The following NSD3 variants were observed in gnomAD, a reference collection of about 807,000 sequenced individuals.
NSD3 encodes histone-lysine N-methyltransferase NSD3.
A neutral mutation model predicts 160.8 loss-of-function variants in NSD3; 24 were observed. The observed-to-expected ratio is 0.15, with a 90% CI of 0.11 to 0.21. The LOEUF is 0.21. Ranked by LOEUF, NSD3 falls within the 10% of genes least tolerant of loss-of-function variation. The probability of loss-of-function intolerance (pLI) is 1.00; values close to 1 mark genes in which losing one functional copy is unlikely to be tolerated. For missense variants in NSD3, 1,157 were observed against 1,735.9 expected, an observed-to-expected ratio of 0.67 and a Z score of 5.93; for synonymous variants, 520 against 600.0, an observed-to-expected ratio of 0.87 and a Z score of 1.95.
At chr8:38,292,331 T>C (rs1292931502) in intron 16 of NSD3, among the ~76,000 whole-genome samples, 1 of 152,228 alleles carries the variant, frequency 6.6e-6, no homozygotes, top group Admixed American at 6.5e-5. Flanking sequence ...ACATTAGATG[T>C]ATTTCTTCCC....
chr8:38,351,822 G>A (rs1343858291), intron 1 of NSD3, among the ~76,000 whole-genome samples: 1 of 151,624 alleles, frequency 6.6e-6, no homozygotes, highest in African/African-American at 2.4e-5. Flanking sequence ...ATTGAACAAT[G>A]AGAACACATG....
chr8:38,380,269 T>G (rs1811503030), intron 1 of NSD3, among the ~76,000 whole-genome samples: 1 of 152,218 alleles, frequency 6.6e-6, no homozygotes. Context: ...TCAGAAATAC[T>G]ATTTAAAAAT....
At chr8:38,378,797 T>C (rs1811465964) in intron 1 of NSD3, among the ~76,000 whole-genome samples, 1 of 137,944 alleles carries the variant, frequency 7.2e-6, no homozygotes, top group African/African-American at 2.8e-5. Flanking sequence ...CACTCCAGCC[T>C]AGACAACAGG....
intron 1 of NSD3, among the ~76,000 whole-genome samples, chr8:38,364,968 G>A (rs974418192): frequency 6.6e-5 from 10 of 152,126 alleles, no homozygotes; most frequent in African/African-American, 2.4e-4. Flanking sequence ...CTCAAGAACA[G>A]GCATTTGAGT....
intron 20 of NSD3, 139 bp from the exon 21 acceptor site, chr8:38,279,820 G>T: frequency 1.1e-6 from 1 of 878,510 alleles, no homozygotes; most frequent in Non-Finnish European, 1.7e-6. Context: ...ATGTGAGGCT[G>T]CCTGGGTAAT....
At chr8:38,342,486 T>G (rs1434678628) in intron 2 of NSD3, among the ~76,000 whole-genome samples, 2 of 152,200 alleles carry the variant, frequency 1.3e-5, no homozygotes, top group Non-Finnish European at 2.9e-5. Context: ...TTTAATTGAC[T>G]CCACATAAGA....
intron 13 of NSD3, among the ~76,000 whole-genome samples, chr8:38,304,958 C>T (rs1809362686): frequency 6.6e-6 from 1 of 152,028 alleles, no homozygotes; most frequent in South Asian, 2.1e-4. Context: ...TAGAGATCAT[C>T]CAAAGAAAAA....
intron 4 of NSD3, 116 bp downstream of exon 4, chr8:38,337,189 G>T (rs1585898728): frequency 2.1e-6 from 2 of 932,324 alleles, no homozygotes; most frequent in Non-Finnish European, 2.9e-6. Context: ...ATACGGATAT[G>T]CACATTTTTG....
In NSD3 at chr8:38,275,449, C is replaced by A; in HGVS notation, c.*192G>T. On this transcript the variant is annotated 3_prime_UTR_variant, in exon 24 of 24. Coordinates refer to ENST00000317025, the MANE Select transcript of NSD3 (RefSeq NM_023034.2). The stretch of plus-strand genomic sequence containing the variant: ...GGAATTTAACCCTCCACAAAAGAAT[C>A]CCAAACCAACCAAATCAAACAAAAA... The A allele has an allele frequency of 1.7e-6, 1 of 579,446 alleles. No individual in the cohort carries two copies. The highest frequency in any genetic ancestry group is 3.2e-5 in the Admixed American group (1 of 31,452). The allele number at this position is 579,446 out of a possible 1,614,324, so 35.9% of individuals were successfully genotyped here.
rs932943888 is a variant in NSD3, at chr8:38,304,470, C to A, written c.2611+117G>T. 5 of 947,250 alleles carry A rather than the reference C, an allele frequency of 5.3e-6. No individual in the cohort carries two copies. The Admixed American group carries it at 1.3e-4, about 24-fold the overall frequency. The allele number at this position is 947,250 out of a possible 1,614,324, so 58.7% of individuals were successfully genotyped here. ...GGATATATTACAGTGGAATTCTGCA[C>A]TGGGTAGGAGATTCTACTAGATGGC... On this transcript the variant is annotated intron_variant, in intron 14 of 23. Coordinates refer to ENST00000317025, the MANE Select transcript of NSD3 (RefSeq NM_023034.2).
chr8:38,306,193 T>C (rs1452282376), intron 12 of NSD3, among the ~76,000 whole-genome samples: 1 of 152,042 alleles, frequency 6.6e-6, no homozygotes, highest in Non-Finnish European at 1.5e-5. Flanking sequence ...GATCCTAATA[T>C]TAATATCAGA....
At chr8:38,327,686 C>T (rs1235019071) in intron 6 of NSD3, among the ~76,000 whole-genome samples, 1 of 152,146 alleles carries the variant, frequency 6.6e-6, no homozygotes, top group African/African-American at 2.4e-5. Context: ...GAACTCTAGT[C>T]ATTTGCATTT....
intron 14 of NSD3, 45 bp from the exon 15 acceptor site, chr8:38,299,635 C>A: frequency 6.8e-7 from 1 of 1,466,004 alleles, no homozygotes; most frequent in South Asian, 1.6e-5. Flanking sequence ...TGAAACTACC[C>A]ATGATTCCAT....
Position 38,301,171 on chromosome 8 carries a change from A to G in NSD3, c.2612-1581T>C, listed in dbSNP as rs1210235443. On this transcript the variant is annotated intron_variant, in intron 14 of 23. Coordinates refer to ENST00000317025, the MANE Select transcript of NSD3 (RefSeq NM_023034.2). ...TTTTTTGTAGAAACGAGGTCTTGCT[A>G]TGTTGCCCAGGCTGGTCTTGAATTC... Among the ~76,000 whole-genome samples the G allele has an allele frequency of 7.9e-5, 12 of 152,124 alleles. No individual in the cohort carries two copies. In the South Asian group the frequency reaches 2.1e-3, roughly 26 times the overall value.
chr8:38,316,696 C>A lies in NSD3; in HGVS notation c.1856-654G>T. The A allele has an allele frequency of 2.8e-6, 3 of 1,055,460 alleles. No homozygotes were observed. The highest frequency in any genetic ancestry group is 3.4e-6 in the Non-Finnish European group (3 of 873,172). The allele number at this position is 1,055,460 out of a possible 1,614,324, so 65.4% of individuals were successfully genotyped here. A position where few individuals can be genotyped will look rare whatever the true frequency, so the allele number is the denominator to read the frequency against. On this transcript the variant is annotated intron_variant, in intron 9 of 23. Coordinates refer to ENST00000317025, the MANE Select transcript of NSD3 (RefSeq NM_023034.2). The surrounding 1 kb of genome is among the most constrained non-coding windows in gnomAD (Gnocchi z 4.5). ...CACATTGCTGAGGGCTGTAAATGGA[C>A]AATCAGTGTTCAAGTGCAGCCAAAT...
In NSD3 at chr8:38,321,473, A is replaced by G. The variant is rs1056917980; in HGVS notation, c.1709-301T>C. ...CAGCAGACACATTAGTTTTAAAGGCACATAAACATCTTTAGGTAAATATAA... is the reference window on the plus strand; with the variant it reads ...CAGCAGACACATTAGTTTTAAAGGCGCATAAACATCTTTAGGTAAATATAA... On this transcript the variant is annotated intron_variant, in intron 7 of 23. Transcript: ENST00000317025. The surrounding 1 kb of genome is among the most constrained non-coding windows in gnomAD (Gnocchi z 4.7). Among the ~76,000 whole-genome samples, 2 of 152,242 alleles carry G rather than the reference A, an allele frequency of 1.3e-5. No individual in the cohort carries two copies. Among genetic ancestry groups the G allele is most frequent in the Non-Finnish European group, 2.9e-5 (2 of 68,034 alleles).
At position 38,334,581 on chromosome 8, in the gene NSD3, C is replaced by T. The variant is rs191666631; in HGVS notation, c.910+2724G>A. On this transcript the variant is annotated intron_variant, in intron 4 of 23. Transcript: ENST00000317025. The stretch of plus-strand genomic sequence containing the variant: ...CAGCCTGGCCAACACAGTGAAACCC[C>T]GTCTCTACTAAAAATACAAAAAAAA... Among the ~76,000 whole-genome samples the T allele has an allele frequency of 6.1e-4, 93 of 151,508 alleles. 2 individuals are homozygous for T. In the East Asian group the frequency reaches 0.016, roughly 27 times the overall value.
At chr8:38,342,293 A>C (rs1810392103) in intron 2 of NSD3, among the ~76,000 whole-genome samples, 3 of 152,308 alleles carry the variant, frequency 2.0e-5, no homozygotes, top group Non-Finnish European at 4.4e-5. Flanking sequence ...AGAGACAGAG[A>C]CAAGTTTAAG....
intron 12 of NSD3, among the ~76,000 whole-genome samples, chr8:38,314,362 A>C (rs557820261): frequency 6.6e-6 from 1 of 152,344 alleles, no homozygotes; most frequent in South Asian, 2.1e-4. Flanking sequence ...TCTCAAATCC[A>C]TCTGAAAAAT....
Sources: allele counts gnomAD v4.1 joint callset (sites outside exome capture counted in the v4.1 genomes callset), GRCh38; gene constraint gnomAD v4.1.1; non-coding constraint Gnocchi (gnomAD v3.1); transcripts MANE v1.5; gene names NCBI Gene and HGNC (gene_info 2026-07-23, HGNC 2026-07-21).